The following LARGE1 variants were observed in gnomAD, a reference collection of about 807,000 sequenced individuals.
LARGE1 encodes the protein xylosyl- and glucuronyltransferase LARGE1.
A neutral mutation model predicts 87.6 loss-of-function variants in LARGE1; 43 were observed. That is an observed-to-expected ratio of 0.49 (90% confidence interval 0.38 to 0.63). LARGE1 has a LOEUF of 0.63. LARGE1 is among the 30% of genes least tolerant of loss of function. The pLI is 0.00. For synonymous variants in LARGE1, 434 were observed against 394.6 expected (o/e 1.10, Z -1.18); for missense variants, 802 against 1,000.2 (o/e 0.80, Z 2.67).
At chr22:33,724,782 T>A (rs1224574563) in intron 2 of LARGE1, 1 of 152,284 alleles carries the variant, frequency 6.6e-6, no homozygotes, top group Non-Finnish European at 1.5e-5. Flanking sequence ...CTAAGTGTAC[T>A]GAACATGACC....
chr22:33,194,050 T>C (rs1233115609), intron 11 of LARGE1, among the ~76,000 whole-genome samples: 1 of 150,932 alleles, frequency 6.6e-6, no homozygotes, highest in African/African-American at 2.4e-5. Flanking sequence ...CAAAATATGA[T>C]AAATTTTATA....
At chr22:33,441,614 T>A (rs562149240) in intron 6 of LARGE1, among the ~76,000 whole-genome samples, 1 of 152,094 alleles carries the variant, frequency 6.6e-6, no homozygotes, top group Non-Finnish European at 1.5e-5. Context: ...TGCCACCACA[T>A]CCAGCTAACT....
At chr22:33,262,889 C>A (rs1927720455) in intron 11 of LARGE1, among the ~76,000 whole-genome samples, 1 of 150,446 alleles carries the variant, frequency 6.6e-6, no homozygotes, top group East Asian at 2.0e-4. Flanking sequence ...CCGCTCGCCT[C>A]CCCTCCCCTT....
At chr22:33,374,913 T>A (rs1162760348) in intron 9 of LARGE1, among the ~76,000 whole-genome samples, 1 of 151,838 alleles carries the variant, frequency 6.6e-6, no homozygotes, top group Non-Finnish European at 1.5e-5. Flanking sequence ...TAAGTTTTTA[T>A]CCACAGCTAT....
intron 10 of LARGE1, among the ~76,000 whole-genome samples, chr22:33,326,415 A>G (rs999565976): frequency 6.6e-6 from 1 of 152,142 alleles, no homozygotes; most frequent in South Asian, 2.1e-4. Context: ...TTACAAACAC[A>G]GTGCAATCAC....
At chr22:33,733,435 C>A (rs1399349385) in intron 2 of LARGE1, 1 of 152,202 alleles carries the variant, frequency 6.6e-6, no homozygotes, top group African/African-American at 2.4e-5. Context: ...TGAACTTAAA[C>A]ACTGGTGAAC....
At chr22:33,510,341 G>C (rs577401429) in intron 6 of LARGE1, among the ~76,000 whole-genome samples, 1 of 152,290 alleles carries the variant, frequency 6.6e-6, no homozygotes, top group East Asian at 1.9e-4. Flanking sequence ...ATAACTATAT[G>C]AGTTAGGAAC....
the LARGE1 span, among the ~76,000 whole-genome samples, chr22:33,121,186 TG>T: frequency 6.6e-6 from 1 of 152,022 alleles, no homozygotes; most frequent in South Asian, 2.1e-4. Context: ...TACTGCCTTT[TG>T]TTTTTTTCCC....
chr22:33,250,621 C>T (rs897671989), intron 11 of LARGE1, among the ~76,000 whole-genome samples: 2 of 152,176 alleles, frequency 1.3e-5, no homozygotes, highest in Non-Finnish European at 2.9e-5. Flanking sequence ...CTCACCACTA[C>T]GTGTGATATT....
At chr22:33,473,776 G>A (rs2068959115) in intron 6 of LARGE1, among the ~76,000 whole-genome samples, 1 of 152,098 alleles carries the variant, frequency 6.6e-6, no homozygotes, top group Non-Finnish European at 1.5e-5. Context: ...ACAAGGTGCT[G>A]GGCATATGAA....
At chr22:33,759,494 C>T (rs537856777) in intron 2 of LARGE1, among the ~76,000 whole-genome samples, 102 of 152,224 alleles carry the variant, frequency 6.7e-4, no homozygotes, top group Non-Finnish European at 1.1e-3. Flanking sequence ...GTGTATTAAA[C>T]GCACCTGGCA....
At position 33,466,365 on chromosome 22, in the gene LARGE1, T is replaced by A. The variant is rs188252542; in HGVS notation, c.788-34100A>T. 3.0e-3 allele frequency among the ~76,000 whole-genome samples: 443 copies of A among 147,634 alleles called. 2 individuals are homozygous for A. Among genetic ancestry groups the A allele is most frequent in the Non-Finnish European group, 5.1e-3 (341 of 67,216 alleles). On this transcript the variant is annotated intron_variant, in intron 6 of 14. Coordinates refer to ENST00000397394, the MANE Select transcript of LARGE1 (RefSeq NM_133642.5). ...CACTGTTTTTTTTTCTTGCTTTTTC[T>A]CTTGCCTCTCTCTCTCTCTCTCTCT...
chr22:33,169,486 C>T (rs980620713), intron 11 of LARGE1, among the ~76,000 whole-genome samples: 1 of 152,084 alleles, frequency 6.6e-6, no homozygotes, highest in African/African-American at 2.4e-5. Flanking sequence ...TAAGTTTTAC[C>T]TTTAAGCTTC....
At chr22:33,195,911 C>T (rs936344183) in intron 11 of LARGE1, among the ~76,000 whole-genome samples, 16 of 151,558 alleles carry the variant, frequency 1.1e-4, no homozygotes, top group African/African-American at 2.7e-4. Context: ...CCCGCCACCA[C>T]GTCCCACTAA....
chr22:33,810,866 G>A (rs2086472189), intron 1 of LARGE1, among the ~76,000 whole-genome samples: 1 of 152,076 alleles, frequency 6.6e-6, no homozygotes, highest in East Asian at 1.9e-4. Context: ...TGGGACTACA[G>A]GTGTGCGCCA....
chr22:33,748,761 ATAATT>A (rs1373034155), intron 2 of LARGE1, among the ~76,000 whole-genome samples: 1 of 152,194 alleles, frequency 6.6e-6, no homozygotes, highest in African/African-American at 2.4e-5. Flanking sequence ...TTTTGATGAA[ATAATT>A]TAATTTTCTC....
intron 6 of LARGE1, among the ~76,000 whole-genome samples, chr22:33,438,802 A>ACCTGTGT (rs2067364803): frequency 6.6e-6 from 1 of 152,214 alleles, no homozygotes; most frequent in South Asian, 2.1e-4. Flanking sequence ...TTCTAGCCCC[A>ACCTGTGT]CCTGTGTATG....
At chr22:33,697,975 T>C (rs2082301251) in intron 2 of LARGE1, among the ~76,000 whole-genome samples, 1 of 152,208 alleles carries the variant, frequency 6.6e-6, no homozygotes, top group African/African-American at 2.4e-5. Context: ...AATCAAGACA[T>C]TTGTTTCTTA....
intron 5 of LARGE1, among the ~76,000 whole-genome samples, chr22:33,573,697 C>T (rs907396922): frequency 1.3e-5 from 2 of 152,148 alleles, no homozygotes; most frequent in Non-Finnish European, 2.9e-5. Flanking sequence ...CTTAAAACAG[C>T]ACCAGTTATT....
Sources: gnomAD v4.1 joint callset for allele counts (sites outside exome capture counted in the v4.1 genomes callset) on GRCh38, gnomAD v4.1.1 for gene constraint, MANE v1.5 for transcripts, NCBI Gene and HGNC (gene_info 2026-07-23, HGNC 2026-07-21) for gene names.